Variants in CCDC148 observed in about 807,000 individuals in gnomAD.
The protein encoded by CCDC148 is coiled-coil domain containing 148.
CCDC148 carries 89 observed loss-of-function variants against 85.7 expected under a neutral mutation model. The observed-to-expected ratio is 1.04, with a 90% CI of 0.87 to 1.24. The LOEUF (loss-of-function observed/expected upper bound fraction) is 1.24, where lower values mean the gene tolerates loss of function less well. CCDC148 is among the 50% of genes most tolerant of loss of function. The pLI, the probability that CCDC148 is intolerant of heterozygous loss-of-function variation, is 0.00. For synonymous variants in CCDC148, 230 were observed against 213.9 expected (o/e 1.08, Z -0.66); for missense variants, 692 against 671.7 (o/e 1.03, Z -0.33).
At chr2:158,289,004 T>G (rs377146270) in intron 9 of CCDC148, among the ~76,000 whole-genome samples, 2 of 152,156 alleles carry the variant, frequency 1.3e-5, no homozygotes, top group African/African-American at 4.8e-5. Context: ...TCATGAGACT[T>G]AGTCACTATT....
At chr2:158,209,052 TAAAC>T (rs1325529752) in intron 11 of CCDC148, among the ~76,000 whole-genome samples, 1 of 151,702 alleles carries the variant, frequency 6.6e-6, no homozygotes, top group Non-Finnish European at 1.5e-5. Flanking sequence ...TATTTATAAA[TAAAC>T]ATAAATATAT....
chr2:158,401,869 A>G (rs80291002), intron 1 of CCDC148, among the ~76,000 whole-genome samples: 11,313 of 151,970 alleles, frequency 0.074, 568 homozygotes, highest in Middle Eastern at 0.11. Context: ...ATGGAGTGCA[A>G]ACTGTGGCCA....
intron 9 of CCDC148, among the ~76,000 whole-genome samples, chr2:158,308,777 C>T (rs1290491710): frequency 6.6e-6 from 1 of 152,178 alleles, no homozygotes; most frequent in African/African-American, 2.4e-5. Flanking sequence ...GCAATTATTC[C>T]CAGCACAACA....
intron 1 of CCDC148, among the ~76,000 whole-genome samples, chr2:158,419,635 C>G (rs1686674188): frequency 6.6e-6 from 1 of 152,088 alleles, no homozygotes; most frequent in East Asian, 1.9e-4. Context: ...AAACATAGAG[C>G]TAGGAACATA....
intron 1 of CCDC148, among the ~76,000 whole-genome samples, chr2:158,365,403 A>C (rs1323633019): frequency 6.6e-6 from 1 of 152,120 alleles, no homozygotes; most frequent in Non-Finnish European, 1.5e-5. Context: ...CTTGGAACCG[A>C]CCCAAATTCC....
At chr2:158,403,102 C>T (rs1685853874) in intron 1 of CCDC148, among the ~76,000 whole-genome samples, 1 of 152,048 alleles carries the variant, frequency 6.6e-6, no homozygotes, top group Admixed American at 6.6e-5. Context: ...AAGTTGAAGT[C>T]CCTTGTTAGG....
intron 1 of CCDC148, among the ~76,000 whole-genome samples, chr2:158,404,223 G>A (rs544152217): frequency 2.0e-5 from 3 of 152,192 alleles, no homozygotes; most frequent in African/African-American, 7.2e-5. Flanking sequence ...AGGTTGAAAG[G>A]GGGCTCTATT....
chr2:158,205,073 G>A (rs1307080333), intron 11 of CCDC148, among the ~76,000 whole-genome samples: 3 of 152,180 alleles, frequency 2.0e-5, no homozygotes, highest in Non-Finnish European at 4.4e-5. Flanking sequence ...CCACAGAAGG[G>A]TTTTCAGTAT....
intron 7 of CCDC148, among the ~76,000 whole-genome samples, chr2:158,329,007 T>A (rs908880175): frequency 3.9e-5 from 6 of 152,214 alleles, no homozygotes; most frequent in African/African-American, 1.2e-4. Flanking sequence ...GTGCAGAAGC[T>A]CTTTATTTTA....
chr2:158,351,388 C>T (rs1009522722), intron 2 of CCDC148, among the ~76,000 whole-genome samples: 6 of 152,144 alleles, frequency 3.9e-5, no homozygotes, highest in Non-Finnish European at 5.9e-5. Flanking sequence ...GCAACGTGCG[C>T]GAGCCGAAGC....
Position 158,395,455 on chromosome 2 carries a change from CA to C in CCDC148, c.26-36886del, listed in dbSNP as rs1386328286. ...GTGAATGAAGGAAAGACTGCTTGAG[CA>C]GGCACCTACACAGGAGTATGCTTGT... On this transcript the variant is annotated intron_variant, in intron 1 of 13. Coordinates refer to ENST00000283233, the MANE Select transcript of CCDC148 (RefSeq NM_138803.4). 5.3e-5 allele frequency among the ~76,000 whole-genome samples: 8 copies of C among 152,258 alleles called. No individual in the cohort carries two copies. The East Asian group carries it at 7.7e-4, about 15-fold the overall frequency.
intron 9 of CCDC148, among the ~76,000 whole-genome samples, chr2:158,299,510 G>A (rs1691348943): frequency 6.6e-6 from 1 of 152,092 alleles, no homozygotes; most frequent in Non-Finnish European, 1.5e-5. Context: ...ACCTCATATT[G>A]AAAGATGACC....
chr2:158,309,538 C>T lies in CCDC148; in HGVS notation c.1005G>A (p.Lys335=), dbSNP rs1454819347. ...AAGCCTCAGTGAGTGTCAGCACAGC[C>T]TTCTGTATAAAGTCTTTCTTATTTT... ...WNKNKKDFIQ[K]AVLTLTEACA... The change falls in exon 9 of 14, where the codon AAG becomes AAA. Residue 335 remains lysine, a synonymous_variant. Coordinates refer to ENST00000283233, the MANE Select transcript of CCDC148 (RefSeq NM_138803.4). 5 of 1,613,766 alleles carry T rather than the reference C, an allele frequency of 3.1e-6. No individual in the cohort carries two copies. The African/African-American group carries it at 6.7e-5, about 22-fold the overall frequency.
chr2:158,271,169 TG>T (rs892691055), intron 9 of CCDC148, among the ~76,000 whole-genome samples: 1 of 152,102 alleles, frequency 6.6e-6, no homozygotes, highest in African/African-American at 2.4e-5. Flanking sequence ...AAGAAGATTT[TG>T]GGGGGGTTAA....
At chr2:158,255,235 C>T (rs1688964031) in intron 9 of CCDC148, among the ~76,000 whole-genome samples, 1 of 151,312 alleles carries the variant, frequency 6.6e-6, no homozygotes, top group South Asian at 2.1e-4. Context: ...GGTCAGGGAC[C>T]CGTAGAATTT....
intron 13 of CCDC148, among the ~76,000 whole-genome samples, chr2:158,172,480 T>G (rs1684364021): frequency 6.6e-6 from 1 of 152,002 alleles, no homozygotes; most frequent in South Asian, 2.1e-4. Context: ...ATATAGAACA[T>G]AGTGTACTAG....
chr2:158,185,859 G>T (rs373332686), intron 11 of CCDC148, among the ~76,000 whole-genome samples: 58 of 151,908 alleles, frequency 3.8e-4, no homozygotes, highest in Middle Eastern at 6.8e-3. Context: ...TGTTTATAGA[G>T]AATTTAAAAA....
At chr2:158,278,533 C>G (rs2105171277) in intron 9 of CCDC148, among the ~76,000 whole-genome samples, 1 of 152,318 alleles carries the variant, frequency 6.6e-6, no homozygotes, top group Middle Eastern at 3.4e-3. Context: ...GCTAGCACAG[C>G]AGTCTGAGAT....
chr2:158,260,566 C>T (rs775932130), intron 9 of CCDC148, among the ~76,000 whole-genome samples: 13 of 151,934 alleles, frequency 8.6e-5, no homozygotes, highest in Non-Finnish European at 1.8e-4. Flanking sequence ...GAGAGGAAGT[C>T]GAATTACCCC....
Sources: gnomAD v4.1 joint callset for allele counts (sites outside exome capture counted in the v4.1 genomes callset) on GRCh38, gnomAD v4.1.1 for gene constraint, MANE v1.5 for transcripts, NCBI Gene and HGNC (gene_info 2026-07-23, HGNC 2026-07-21) for gene names.